The following CREBBP variants were observed in gnomAD, a reference collection of about 807,000 sequenced individuals.
CREBBP encodes CREB-binding protein.
Under a neutral mutation model 265.0 loss-of-function variants are expected in CREBBP, and 19 were observed. That is an observed-to-expected ratio of 0.07 (90% CI 0.05 to 0.11). The LOEUF (loss-of-function observed/expected upper bound fraction) is 0.11. Ranked by LOEUF, CREBBP falls within the 10% of genes least tolerant of loss-of-function variation. CREBBP has a pLI of 1.00. For missense variants in CREBBP, 2,525 were observed against 3,219.0 expected (o/e 0.78, Z 5.22); for synonymous variants, 1,457 against 1,223.7 (o/e 1.19, Z -3.98).
At chr16:3,833,078 C>G (rs926806878) in intron 2 of CREBBP, among the ~76,000 whole-genome samples, 1 of 152,146 alleles carries the variant, frequency 6.6e-6, no homozygotes, top group Non-Finnish European at 1.5e-5. Context: ...TCCCACAGAT[C>G]ATGAATAAGA....
intron 18 of CREBBP, among the ~76,000 whole-genome samples, 171 bp downstream of exon 18, chr16:3,757,638 T>A (rs1310933893): frequency 6.6e-5 from 10 of 152,078 alleles, no homozygotes; most frequent in Non-Finnish European, 1.5e-4. Context: ...TAAGCGCCTG[T>A]ACACCCAGCT....
At chr16:3,845,544 C>T (rs2054649050) in intron 2 of CREBBP, among the ~76,000 whole-genome samples, 1 of 152,064 alleles carries the variant, frequency 6.6e-6, no homozygotes, top group African/African-American at 2.4e-5. Flanking sequence ...AAAATATATA[C>T]TGCTGGATCT....
At position 3,736,746 on chromosome 16, in the gene CREBBP, T is replaced by C. The variant is rs772837658; in HGVS notation, c.4464A>G (p.Pro1488=). 15 of 1,613,976 alleles carry C rather than the reference T, an allele frequency of 9.3e-6. No homozygotes were observed. Among genetic ancestry groups the C allele is most frequent in the Admixed American group, 1.7e-5 (1 of 59,994 alleles). Residue 1488 remains proline, a synonymous_variant, in exon 27 of 31, where the codon CCA becomes CCG. Coordinates refer to ENST00000262367, the MANE Select transcript of CREBBP (RefSeq NM_004380.3). ...EGDDYIFHCH[P]PDQKIPKPKR... is the part of the protein sequence containing the mutation. ...TTGGCTTGGGTATTTTTTGATCAGG[T>C]GGGTGGCAATGGAAGATGTAATCAT...
chr16:3,745,199 G>A (rs778128725), intron 22 of CREBBP, 78 bp downstream of exon 22: 37 of 1,256,662 alleles, frequency 2.9e-5, no homozygotes, highest in Admixed American at 1.3e-4. Context: ...AACAATGAAT[G>A]AGATGCAGTA....
chr16:3,829,604 T>C (rs1054867118), intron 2 of CREBBP, among the ~76,000 whole-genome samples: 4 of 152,208 alleles, frequency 2.6e-5, no homozygotes, highest in African/African-American at 7.2e-5. Flanking sequence ...CCCAAGGCCA[T>C]GTCTAAGGAA....
At chr16:3,791,237 A>C (rs184379068) in intron 5 of CREBBP, 1 of 152,628 alleles carries the variant, frequency 6.6e-6, no homozygotes, top group African/African-American at 2.4e-5. Context: ...AGGGAGGTTC[A>C]TCCTTCTTAC....
rs372936553 is a variant in CREBBP, at chr16:3,736,680, C to A, written c.4530G>T (p.Ala1510=). The A allele has an allele frequency of 5.5e-5, 88 of 1,614,224 alleles. 1 individual carries two copies. In the South Asian group the frequency reaches 7.4e-4, roughly 13 times the overall value. ...QEWYKKMLDK[A]FAERIIHDYK... ...AGTCATGGATGATCCGCTCTGCAAACGCCTTGTCCAGCATCTTTTTGTACC... is the reference window on the plus strand; with the variant it reads ...AGTCATGGATGATCCGCTCTGCAAAAGCCTTGTCCAGCATCTTTTTGTACC... Residue 1510 remains alanine (A), a synonymous_variant, in exon 27 of 31, where the codon GCG becomes GCT. Transcript: ENST00000262367.
intron 21 of CREBBP, 38 bp downstream of exon 21, chr16:3,749,589 C>A (rs750760334): frequency 6.7e-7 from 1 of 1,500,088 alleles, no homozygotes; most frequent in South Asian, 1.1e-5. Flanking sequence ...GATTTCAAAC[C>A]AAAACTGAAA....
intron 1 of CREBBP, among the ~76,000 whole-genome samples, chr16:3,857,856 G>C (rs1399434494): frequency 6.6e-6 from 1 of 152,194 alleles, no homozygotes; most frequent in African/African-American, 2.4e-5. Flanking sequence ...AAGCTGAAAT[G>C]AGAGAAAAGA....
intron 26 of CREBBP, among the ~76,000 whole-genome samples, chr16:3,737,914 A>G (rs763778335): frequency 6.0e-5 from 9 of 151,170 alleles, no homozygotes; most frequent in Non-Finnish European, 1.0e-4. Flanking sequence ...CAGCCTCTTG[A>G]GTAGCTGGGA....
chr16:3,758,478 G>T (rs942547336), intron 17 of CREBBP, among the ~76,000 whole-genome samples: 1 of 152,108 alleles, frequency 6.6e-6, no homozygotes, highest in African/African-American at 2.4e-5. Flanking sequence ...ACATAGAATC[G>T]GCTGGGTCCC....
intron 1 of CREBBP, among the ~76,000 whole-genome samples, chr16:3,879,042 A>C (rs1056339371): frequency 7.1e-6 from 1 of 140,896 alleles, no homozygotes; most frequent in East Asian, 2.1e-4. Context: ...AATTCTTTGT[A>C]CATCTACACT....
At position 3,728,138 on chromosome 16, in the gene CREBBP, C is replaced by G. The variant is rs1283163834; in HGVS notation, c.6909G>C (p.Gln2303His). 1 of 1,614,124 alleles carries G rather than the reference C, an allele frequency of 6.2e-7. No individual in the cohort carries two copies. The highest frequency in any genetic ancestry group is 8.5e-7 in the Non-Finnish European group (1 of 1,180,014). ...QRILQQQQMKQQIGSPGQPNP... is the reference protein window; with the variant it reads ...QRILQQQQMKHQIGSPGQPNP... Reference sequence around the variant, plus strand: ...TCGGCTGGCCTGGGGACCCAATCTGCTGCTTCATCTGCTGTTGCTGCAGAA... The same window carrying G: ...TCGGCTGGCCTGGGGACCCAATCTGGTGCTTCATCTGCTGTTGCTGCAGAA... The change falls in exon 31 of 31, where the codon CAG becomes CAC. Residue 2303 changes from glutamine (Q) to histidine (H), a missense_variant. Physicochemically the swap from Gln to His is conservative, Grantham distance 24. Transcript: ENST00000262367. This position sits in a 1 kb window ranked among gnomAD's most constrained non-coding sequence, Gnocchi z 8.7.
chr16:3,825,451 T>G (rs754188667), intron 2 of CREBBP, among the ~76,000 whole-genome samples: 8 of 152,220 alleles, frequency 5.3e-5, no homozygotes, highest in Non-Finnish European at 1.2e-4. Context: ...AGTATGGCCT[T>G]GGAATTGCAA....
intron 2 of CREBBP, among the ~76,000 whole-genome samples, chr16:3,837,620 A>T (rs971030947): frequency 2.0e-5 from 3 of 150,764 alleles, no homozygotes; most frequent in Non-Finnish European, 4.4e-5. Flanking sequence ...TCTCAAAAAA[A>T]ATAATAATAA....
intron 1 of CREBBP, among the ~76,000 whole-genome samples, chr16:3,867,016 C>T (rs8044812): frequency 0.078 from 11,824 of 152,154 alleles, 1,300 homozygotes; most frequent in African/African-American, 0.25. Context: ...ACTAAATTAA[C>T]GAAAAGGTCT....
At chr16:3,741,036 C>T (rs2052192352) in intron 23 of CREBBP, 1 of 224,242 alleles carries the variant, frequency 4.5e-6, no homozygotes, top group Non-Finnish European at 8.6e-6. Context: ...TCCGGTGCCT[C>T]AGGAGCTGGC....
At chr16:3,767,426 C>T (rs994193062) in intron 16 of CREBBP, 3 of 530,706 alleles carry the variant, frequency 5.7e-6, no homozygotes, top group South Asian at 2.2e-5. Flanking sequence ...TGCTCAAGGA[C>T]CCAGACACAT....
At chr16:3,757,052 A>C (rs1057197327) in intron 19 of CREBBP, among the ~76,000 whole-genome samples, 2 of 152,124 alleles carry the variant, frequency 1.3e-5, no homozygotes, top group Admixed American at 6.5e-5. Flanking sequence ...TTTCTTTTCA[A>C]ATAGAGATGG....
Sources: gnomAD v4.1 joint callset for allele counts (sites outside exome capture counted in the v4.1 genomes callset) on GRCh38, gnomAD v4.1.1 for gene constraint, Gnocchi (gnomAD v3.1) non-coding constraint, MANE v1.5 for transcripts, NCBI Gene and HGNC (gene_info 2026-07-23, HGNC 2026-07-21) for gene names.